The following ADARB2 variants were observed in gnomAD, a reference collection of about 807,000 sequenced individuals.
ADARB2 encodes the protein inactive double-stranded RNA-specific editase B2.
ADARB2 carries 25 observed loss-of-function variants against 62.2 expected under a neutral mutation model. The observed-to-expected ratio is 0.40, with a 90% CI of 0.29 to 0.56. ADARB2 has a LOEUF of 0.56. Ranked by LOEUF, ADARB2 falls within the 20% of genes least tolerant of loss-of-function variation. The pLI, the probability that ADARB2 is intolerant of heterozygous loss-of-function variation, is 0.43. For synonymous variants in ADARB2, 572 were observed against 500.8 expected (o/e 1.14, Z -1.90); for missense variants, 1,071 against 1,077.4 (o/e 0.99, Z 0.08).
intron 1 of ADARB2, among the ~76,000 whole-genome samples, chr10:1,499,427 A>G (rs570230983): frequency 6.6e-6 from 1 of 151,482 alleles, no homozygotes; most frequent in East Asian, 2.0e-4. Flanking sequence ...TCAACACTCT[A>G]TTACTTATTA....
chr10:1,640,397 A>G (rs1833966646), intron 1 of ADARB2, among the ~76,000 whole-genome samples: 1 of 152,196 alleles, frequency 6.6e-6, no homozygotes, highest in Admixed American at 6.5e-5. Context: ...AAATAAACAG[A>G]ACTAATTCTA....
At position 1,410,214 on chromosome 10, in the gene ADARB2, G is replaced by A. The variant is rs147125553; in HGVS notation, c.101-31054C>T. ...ATGGGGAAGGATTCCCAGTGGTGCC[G>A]GGGCCTGGCCGTGGTCATGGGGAAG... is the stretch of plus-strand genomic sequence containing the variant. On this transcript the variant is annotated intron_variant, in intron 1 of 9. Transcript: ENST00000381312. 5.3e-4 allele frequency among the ~76,000 whole-genome samples: 79 copies of A among 148,566 alleles called. 1 individual carries two copies. In the South Asian group the frequency reaches 8.4e-3, roughly 16 times the overall value.
chr10:1,628,174 A>T (rs1833795421), intron 1 of ADARB2, among the ~76,000 whole-genome samples: 1 of 152,242 alleles, frequency 6.6e-6, no homozygotes, highest in African/African-American at 2.4e-5. Context: ...CATTGCCTGC[A>T]GCCTCCTCTG....
intron 6 of ADARB2, among the ~76,000 whole-genome samples, chr10:1,223,508 A>G (rs1253136073): frequency 6.6e-6 from 1 of 152,208 alleles, no homozygotes; most frequent in East Asian, 1.9e-4. Flanking sequence ...GCCAGTTTTC[A>G]AAGGGAATGC....
intron 1 of ADARB2, among the ~76,000 whole-genome samples, chr10:1,475,285 A>C (rs969760105): frequency 1.3e-5 from 2 of 152,114 alleles, no homozygotes; most frequent in Non-Finnish European, 2.9e-5. Context: ...AGGAAACTTG[A>C]CCGCAGGCTG....
intron 2 of ADARB2, among the ~76,000 whole-genome samples, chr10:1,375,688 C>T (rs1470519393): frequency 6.6e-6 from 1 of 151,998 alleles, no homozygotes; most frequent in East Asian, 1.9e-4. Context: ...GTCATGTGTG[C>T]TCCTACCACC....
chr10:1,490,110 G>A (rs1192827864), intron 1 of ADARB2, among the ~76,000 whole-genome samples: 1 of 152,120 alleles, frequency 6.6e-6, no homozygotes, highest in African/African-American at 2.4e-5. Context: ...AAACCAGGAG[G>A]CCCAGGAGAA....
intron 1 of ADARB2, among the ~76,000 whole-genome samples, chr10:1,654,793 C>G (rs1387811005): frequency 6.6e-6 from 1 of 152,250 alleles, no homozygotes; most frequent in Non-Finnish European, 1.5e-5. Flanking sequence ...CTGCATGCTT[C>G]TGTGTGCTGC....
chr10:1,337,380 C>T (rs1831984472), intron 3 of ADARB2, among the ~76,000 whole-genome samples: 1 of 152,092 alleles, frequency 6.6e-6, no homozygotes, highest in African/African-American at 2.4e-5. Flanking sequence ...TCAACTACAC[C>T]AAATGCTGGG....
chr10:1,416,547 G>A lies in ADARB2; in HGVS notation c.101-37387C>T, dbSNP rs535021301. Among the ~76,000 whole-genome samples, 88 of 152,350 alleles carry A rather than the reference G, an allele frequency of 5.8e-4. 1 individual carries two copies. The highest frequency in any genetic ancestry group is 9.0e-4 in the Non-Finnish European group (61 of 68,034). ...TTCACAGCCTCCCTGTGGATGGGCC[G>A]TGGGGAGAGCTAGAGCAGGTAACTG... On this transcript the variant is annotated intron_variant, in intron 1 of 9. Transcript: ENST00000381312.
chr10:1,591,659 G>GCACA (rs1255744378), intron 1 of ADARB2, among the ~76,000 whole-genome samples: 56 of 122,782 alleles, frequency 4.6e-4, no homozygotes, highest in East Asian at 1.0e-3. Context: ...AGGCGTGCAC[G>GCACA]CACACACACA....
At chr10:1,695,632 C>G (rs1834729525) in intron 1 of ADARB2, among the ~76,000 whole-genome samples, 1 of 151,804 alleles carries the variant, frequency 6.6e-6, no homozygotes, top group Non-Finnish European at 1.5e-5. Context: ...AGAGTGTGTG[C>G]ATGTATACAC....
At chr10:1,594,946 C>T (rs1197812678) in intron 1 of ADARB2, among the ~76,000 whole-genome samples, 1 of 152,186 alleles carries the variant, frequency 6.6e-6, no homozygotes, top group Admixed American at 6.5e-5. Flanking sequence ...CCCACTGCCT[C>T]CCCCATCTCT....
At chr10:1,211,365 C>G (rs1408723689) in intron 7 of ADARB2, among the ~76,000 whole-genome samples, 3 of 152,000 alleles carry the variant, frequency 2.0e-5, no homozygotes, top group Non-Finnish European at 4.4e-5. Context: ...GCTGTATCAT[C>G]TATCTGTCAT....
At chr10:1,610,371 G>T (rs1257514985) in intron 1 of ADARB2, among the ~76,000 whole-genome samples, 1 of 152,190 alleles carries the variant, frequency 6.6e-6, no homozygotes, top group African/African-American at 2.4e-5. Flanking sequence ...AACAGGCTTT[G>T]CTCCCCTCTG....
intron 1 of ADARB2, among the ~76,000 whole-genome samples, chr10:1,636,155 G>A (rs1467676186): frequency 7.9e-5 from 12 of 152,094 alleles, no homozygotes; most frequent in Non-Finnish European, 8.8e-5. Flanking sequence ...CGAGTTGAGG[G>A]GGGTGCAAGA....
chr10:1,581,593 C>T (rs1263405093), intron 1 of ADARB2, among the ~76,000 whole-genome samples: 3 of 152,154 alleles, frequency 2.0e-5, no homozygotes, highest in Admixed American at 6.5e-5. Flanking sequence ...TCTAGAGTAT[C>T]TGATACTACT....
At chr10:1,525,486 C>T (rs1037326557) in intron 1 of ADARB2, among the ~76,000 whole-genome samples, 20 of 152,162 alleles carry the variant, frequency 1.3e-4, no homozygotes, top group African/African-American at 3.1e-4. Context: ...GGTCTCTCTT[C>T]GCCTCAGCCG....
chr10:1,578,704 C>T (rs923290165), intron 1 of ADARB2, among the ~76,000 whole-genome samples: 8 of 152,056 alleles, frequency 5.3e-5, no homozygotes, highest in African/African-American at 1.9e-4. Context: ...CACACATGCT[C>T]ATGCACACTC....
Sources: gnomAD v4.1 joint callset for allele counts (sites outside exome capture counted in the v4.1 genomes callset) on GRCh38, gnomAD v4.1.1 for gene constraint, MANE v1.5 for transcripts, NCBI Gene and HGNC (gene_info 2026-07-23, HGNC 2026-07-21) for gene names.